The following GRIK4 variants were observed in gnomAD, a reference collection of about 807,000 sequenced individuals.
GRIK4 encodes glutamate ionotropic receptor kainate type subunit 4, also known as glutamate receptor ionotropic, kainate 4.
Under a neutral mutation model 104.9 loss-of-function variants are expected in GRIK4, and 40 were observed. That is an observed-to-expected ratio of 0.38 (90% CI 0.30 to 0.50). The LOEUF (loss-of-function observed/expected upper bound fraction) is 0.50, where lower values mean the gene tolerates loss of function less well. Ranked by LOEUF, GRIK4 falls within the 20% of genes least tolerant of loss-of-function variation. GRIK4 has a pLI of 0.93. For missense variants in GRIK4, 1,047 were observed against 1,308.1 expected, an observed-to-expected ratio of 0.80 and a Z score of 3.08; for synonymous variants, 485 against 524.9, an observed-to-expected ratio of 0.92 and a Z score of 1.04.
At chr11:120,883,157 G>A (rs1955014739) in intron 11 of GRIK4, among the ~76,000 whole-genome samples, 2 of 152,170 alleles carry the variant, frequency 1.3e-5, no homozygotes, top group Non-Finnish European at 2.9e-5. Context: ...CGAGGGACTG[G>A]TGTGTGCACA....
chr11:120,943,860 G>T (rs1943787195), intron 14 of GRIK4, among the ~76,000 whole-genome samples: 1 of 152,148 alleles, frequency 6.6e-6, no homozygotes, highest in African/African-American at 2.4e-5. Context: ...AATAAGTAGT[G>T]GCAAGTATGC....
chr11:120,746,817 G>A (rs1951447157), intron 3 of GRIK4, among the ~76,000 whole-genome samples: 1 of 152,160 alleles, frequency 6.6e-6, no homozygotes, highest in Non-Finnish European at 1.5e-5. Context: ...CACTCAGTAG[G>A]ATTTCAAATA....
At chr11:120,725,939 C>G (rs563443059) in intron 3 of GRIK4, among the ~76,000 whole-genome samples, 1 of 152,156 alleles carries the variant, frequency 6.6e-6, no homozygotes, top group East Asian at 1.9e-4. Context: ...TTTTTATATA[C>G]AAATAAATGA....
At chr11:120,811,810 A>G (rs1012198905) in intron 4 of GRIK4, among the ~76,000 whole-genome samples, 37 of 152,306 alleles carry the variant, frequency 2.4e-4, no homozygotes, top group African/African-American at 8.9e-4. Context: ...CCCACATTTT[A>G]TATACTTATT....
At chr11:120,909,294 A>G (rs1942940537) in intron 13 of GRIK4, among the ~76,000 whole-genome samples, 2 of 152,242 alleles carry the variant, frequency 1.3e-5, no homozygotes, top group South Asian at 4.1e-4. Flanking sequence ...CTTTGGCCCC[A>G]GGAGTGATTA....
intron 9 of GRIK4, among the ~76,000 whole-genome samples, chr11:120,867,470 C>T (rs183812706): frequency 5.9e-5 from 9 of 152,226 alleles, no homozygotes; most frequent in East Asian, 1.9e-4. Context: ...CCCTTTTCTC[C>T]GTAACCTTCT....
intron 3 of GRIK4, among the ~76,000 whole-genome samples, chr11:120,668,290 A>G (rs1949956466): frequency 6.6e-6 from 1 of 151,724 alleles, no homozygotes; most frequent in African/African-American, 2.4e-5. Flanking sequence ...AGAGAAAGAG[A>G]GAAAGAAAAA....
intron 9 of GRIK4, among the ~76,000 whole-genome samples, chr11:120,866,855 C>T (rs1040868698): frequency 6.6e-6 from 1 of 152,168 alleles, no homozygotes; most frequent in African/African-American, 2.4e-5. Context: ...GGGCTCCCAC[C>T]CCACTGGGTT....
Position 120,874,160 on chromosome 11 carries a change from C to T in GRIK4, c.1001C>T (p.Ser334Phe), listed in dbSNP as rs1330107142. 1 of 1,613,884 alleles carries T rather than the reference C, an allele frequency of 6.2e-7. No homozygotes were observed. Among genetic ancestry groups the T allele is most frequent in the Admixed American group, 1.7e-5 (1 of 60,022 alleles). Residue 334 changes from serine (S) to phenylalanine (F), a missense_variant, in exon 10 of 21, where the codon TCC (serine) becomes TTC (phenylalanine). Physicochemically the swap from Ser to Phe is radical, Grantham distance 155 (BLOSUM62 -2). Around this residue, in one of 3 missense-constraint regions of GRIK4, gnomAD observed 447 missense variants for 514.9 expected, o/e 0.87. Transcript: ENST00000527524. Reference sequence around the variant, plus strand: ...CAAGAGATCGGCGTGAAGCCCTTGTCCTGCGGCTCGGCCCAGATCTGGCAG... The same window carrying T: ...CAAGAGATCGGCGTGAAGCCCTTGTTCTGCGGCTCGGCCCAGATCTGGCAG... ...RSQEIGVKPLSCGSAQIWQHG... is the reference protein window; with the variant it reads ...RSQEIGVKPLFCGSAQIWQHG...
At chr11:120,630,598 C>A (rs1156503399) in intron 1 of GRIK4, among the ~76,000 whole-genome samples, 4 of 152,204 alleles carry the variant, frequency 2.6e-5, no homozygotes, top group Non-Finnish European at 4.4e-5. Context: ...GGCTGGACCC[C>A]CTCTCAGGAG....
At chr11:120,623,833 G>T (rs997556914) in intron 1 of GRIK4, among the ~76,000 whole-genome samples, 1 of 152,110 alleles carries the variant, frequency 6.6e-6, no homozygotes, top group African/African-American at 2.4e-5. Context: ...GCACACATGG[G>T]GCCTGCACCA....
At position 120,957,625 on chromosome 11, in the gene GRIK4, G is replaced by GTGTGTGTGTA. The variant is rs375508071; in HGVS notation, c.1874+673_1874+674insGTGTGTGTAT. ...TGTGTGTGTGTGTGTGTGTGTGTGT[G>GTGTGTGTGTA]TAGCCTAGAGAGGCAAGTTTGCAGA... On this transcript the variant is annotated intron_variant, in intron 16 of 20. Coordinates refer to ENST00000527524, the MANE Select transcript of GRIK4 (RefSeq NM_014619.5). Among the ~76,000 whole-genome samples, 508 of 144,616 alleles carry GTGTGTGTGTA rather than the reference G, an allele frequency of 3.5e-3. 1 individual carries two copies. The highest frequency in any genetic ancestry group is 0.011 in the African/African-American group (411 of 38,596). 94.9% of individuals were successfully genotyped at this position (144,616 alleles called of 152,430 possible).
At chr11:120,640,253 A>AT in intron 1 of GRIK4, among the ~76,000 whole-genome samples, 1 of 152,272 alleles carries the variant, frequency 6.6e-6, no homozygotes, top group Admixed American at 6.5e-5. Flanking sequence ...AACAGGGGTC[A>AT]TTTTTTCCCA....
rs1396118862 is a variant in GRIK4, at chr11:120,940,950, AT to A, written c.1590+492del. Among the ~76,000 whole-genome samples the A allele has an allele frequency of 6.6e-6, 1 of 152,214 alleles. No individual in the cohort carries two copies. Among genetic ancestry groups the A allele is most frequent in the African/African-American group, 2.4e-5 (1 of 41,454 alleles). On this transcript the variant is annotated intron_variant, in intron 14 of 20. Transcript: ENST00000527524. The surrounding 1 kb of genome is among the most constrained non-coding windows in gnomAD (Gnocchi z 4.3). ...TTATACCTGGCCTGCCCTTTTCTGC[AT>A]TCCATGCCCCCATCAGAAAGACTCC...
intron 1 of GRIK4, among the ~76,000 whole-genome samples, chr11:120,645,398 G>A (rs1427907419): frequency 2.6e-5 from 4 of 152,220 alleles, no homozygotes; most frequent in East Asian, 1.9e-4. Context: ...ACATGCAACG[G>A]TATGTGGAAT....
chr11:120,607,062 T>C (rs1437024620), intron 1 of GRIK4, among the ~76,000 whole-genome samples: 1 of 152,032 alleles, frequency 6.6e-6, no homozygotes, highest in Non-Finnish European at 1.5e-5. Flanking sequence ...CCACAATTCA[T>C]TGGATGAGAG....
At chr11:120,840,844 A>G (rs1284469466) in intron 8 of GRIK4, among the ~76,000 whole-genome samples, 1 of 152,096 alleles carries the variant, frequency 6.6e-6, no homozygotes, top group African/African-American at 2.4e-5. Flanking sequence ...CTAAAACTTC[A>G]TCCAGCCAAA....
chr11:120,985,609 G>T (rs552660836), intron 20 of GRIK4, among the ~76,000 whole-genome samples: 10 of 140,764 alleles, frequency 7.1e-5, no homozygotes, highest in African/African-American at 2.6e-4. Context: ...AAAGGAAGCA[G>T]CATTTAATGG....
intron 3 of GRIK4, among the ~76,000 whole-genome samples, chr11:120,732,123 T>A (rs1312871942): frequency 6.6e-6 from 1 of 152,052 alleles, no homozygotes; most frequent in African/African-American, 2.4e-5. Context: ...GTTTTTGTTT[T>A]GTTTTGTTTT....
Sources: allele counts gnomAD v4.1 joint callset (sites outside exome capture counted in the v4.1 genomes callset), GRCh38; gene constraint gnomAD v4.1.1; regional missense constraint gnomAD v4.1.1; non-coding constraint Gnocchi (gnomAD v3.1); transcripts MANE v1.5; gene names NCBI Gene and HGNC (gene_info 2026-07-23, HGNC 2026-07-21).